Variants in PDE1A observed in about 807,000 individuals in gnomAD.
PDE1A encodes the protein dual specificity calcium/calmodulin-dependent 3',5'-cyclic nucleotide phosphodiesterase 1A.
In PDE1A, 35 loss-of-function variants were observed where a neutral mutation model predicts 61.7. The ratio of observed to expected loss-of-function variants is 0.57; its 90% CI spans 0.43 to 0.75. The LOEUF is 0.75. Among genes scored for constraint, PDE1A ranks in the 30% least tolerant of loss-of-function variants. The probability of loss-of-function intolerance (pLI) is 0.00; values close to 1 mark genes in which losing one functional copy is unlikely to be tolerated. For missense variants in PDE1A, 597 were observed against 630.6 expected, an observed-to-expected ratio of 0.95 and a Z score of 0.57; for synonymous variants, 232 against 213.2, an observed-to-expected ratio of 1.09 and a Z score of -0.77.
At chr2:182,180,632 G>A (rs1684681140) in intron 13 of PDE1A, among the ~76,000 whole-genome samples, 1 of 152,050 alleles carries the variant, frequency 6.6e-6, no homozygotes, top group South Asian at 2.1e-4. Context: ...ATGTTGGCCT[G>A]TCTTGCTAGG....
chr2:182,290,382 C>T lies in PDE1A; in HGVS notation c.54-25968G>A, dbSNP rs190068630. ...AATCTTTTGGTGGAAAGACTGAAAG[C>T]CTTCAGGTGTTTACTAATTTCTCTC... On this transcript the variant is annotated intron_variant, in intron 1 of 13. Transcript: ENST00000351439. Among the ~76,000 whole-genome samples, 321 of 152,122 alleles carry T rather than the reference C, an allele frequency of 2.1e-3. 7 individuals carry two copies. The highest frequency in any genetic ancestry group is 1.2e-3 in the East Asian group (6 of 5,182).
chr2:182,247,510 C>T lies in PDE1A; in HGVS notation c.168-7218G>A, dbSNP rs1488587108. ...AATAAACCTAAAGACATATTTCTCC[C>T]TACTCCCCTCCATTTACCTCTTCTT... On this transcript the variant is annotated intron_variant, in intron 2 of 13. Transcript: ENST00000351439. Among the ~76,000 whole-genome samples the T allele has an allele frequency of 2.0e-5, 3 of 152,122 alleles. No individual in the cohort carries two copies. The South Asian group carries it at 6.2e-4, about 32-fold the overall frequency.
intron 1 of PDE1A, among the ~76,000 whole-genome samples, chr2:182,393,863 C>T (rs1701555582): frequency 6.6e-6 from 1 of 152,204 alleles, no homozygotes; most frequent in South Asian, 2.1e-4. Flanking sequence ...TCTGAGACCA[C>T]CTCAGCCTGG....
the PDE1A span, among the ~76,000 whole-genome samples, chr2:182,623,573 C>T: frequency 7.9e-5 from 12 of 152,236 alleles, no homozygotes; most frequent in East Asian, 2.1e-3. Context: ...TGAGGGGGCA[C>T]AGAGACCCCT....
chr2:182,606,370 G>A, the PDE1A span, among the ~76,000 whole-genome samples: 8 of 152,178 alleles, frequency 5.3e-5, no homozygotes, highest in Non-Finnish European at 1.5e-5. Flanking sequence ...AGTAGAGACG[G>A]GGTTTCACCA....
intron 4 of PDE1A, among the ~76,000 whole-genome samples, chr2:182,232,514 C>T (rs1689663832): frequency 6.6e-6 from 1 of 152,126 alleles, no homozygotes; most frequent in Non-Finnish European, 1.5e-5. Context: ...TTTAAAAATA[C>T]TTCCTTCAAA....
chr2:182,653,873 C>T, the PDE1A span, among the ~76,000 whole-genome samples: 1 of 152,156 alleles, frequency 6.6e-6, no homozygotes, highest in Non-Finnish European at 1.5e-5. Context: ...CTGACACAAA[C>T]GTGCCTTACT....
chr2:182,393,563 A>G (rs897003510), intron 1 of PDE1A, among the ~76,000 whole-genome samples: 1 of 152,116 alleles, frequency 6.6e-6, no homozygotes, highest in Non-Finnish European at 1.5e-5. Flanking sequence ...TTTCTTTCCT[A>G]TTGCATCAGA....
chr2:182,646,391 CAAAA>C, the PDE1A span, among the ~76,000 whole-genome samples: 1 of 107,284 alleles, frequency 9.3e-6, no homozygotes, highest in African/African-American at 3.7e-5. Flanking sequence ...GGTGAAGGTT[CAAAA>C]AAAAAAAAAA....
chr2:182,544,625 C>G, the PDE1A span, among the ~76,000 whole-genome samples: 503 of 152,084 alleles, frequency 3.3e-3, 3 homozygotes, highest in Non-Finnish European at 5.7e-3. Context: ...TTTCCACTCA[C>G]CTTCCCAATC....
the PDE1A span, among the ~76,000 whole-genome samples, chr2:182,712,121 A>G: frequency 6.6e-6 from 1 of 152,256 alleles, no homozygotes; most frequent in African/African-American, 2.4e-5. Flanking sequence ...TCTAATCGTG[A>G]GGAAACATCA....
the PDE1A span, among the ~76,000 whole-genome samples, chr2:182,627,013 A>AT: frequency 0.016 from 62 of 3,766 alleles, 15 homozygotes; most frequent in African/African-American, 0.068. Flanking sequence ...ATATATTTAT[A>AT]TTTATATATA....
chr2:182,582,405 C>A, the PDE1A span, among the ~76,000 whole-genome samples: 1 of 152,096 alleles, frequency 6.6e-6, no homozygotes, highest in Non-Finnish European at 1.5e-5. Context: ...TTCCAAGGAA[C>A]CCAGGCCTAA....
At chr2:182,171,368 G>A (rs901631363) in intron 13 of PDE1A, among the ~76,000 whole-genome samples, 1 of 151,936 alleles carries the variant, frequency 6.6e-6, no homozygotes, top group African/African-American at 2.4e-5. Context: ...CGTGATTTTT[G>A]TTTGAAGAAC....
chr2:182,361,841 C>T (rs1331529568), intron 1 of PDE1A, among the ~76,000 whole-genome samples: 2 of 151,876 alleles, frequency 1.3e-5, no homozygotes, highest in Non-Finnish European at 2.9e-5. Context: ...CATAAGGGAA[C>T]CAAAATTCCC....
chr2:182,598,088 A>G, the PDE1A span, among the ~76,000 whole-genome samples: 1 of 152,242 alleles, frequency 6.6e-6, no homozygotes, highest in Non-Finnish European at 1.5e-5. Flanking sequence ...GGCTCCCTAA[A>G]GACCATTAAG....
chr2:182,224,948 C>T (rs1048206319), intron 6 of PDE1A, among the ~76,000 whole-genome samples: 2 of 151,862 alleles, frequency 1.3e-5, no homozygotes, highest in Admixed American at 6.6e-5. Context: ...AATGCTATGA[C>T]ACTCACTCTG....
In PDE1A at chr2:182,348,649, T is replaced by C. The variant is rs1021212155; in HGVS notation, c.53+77929A>G. Among the ~76,000 whole-genome samples, 162 of 152,164 alleles carry C rather than the reference T, an allele frequency of 1.1e-3. 1 individual carries two copies. The highest frequency in any genetic ancestry group is 3.9e-3 in the African/African-American group (161 of 41,520). On this transcript the variant is annotated intron_variant, in intron 1 of 13. Coordinates refer to ENST00000351439, the Ensembl canonical transcript of PDE1A. ...TGATTATTTGGACTCTATGCTATCC[T>C]GTCCATTTCATTTCATTCCATTTCT...
At chr2:182,212,105 CT>C (rs1687658119) in intron 7 of PDE1A, among the ~76,000 whole-genome samples, 2 of 151,954 alleles carry the variant, frequency 1.3e-5, no homozygotes, top group Admixed American at 1.3e-4. Flanking sequence ...AAAGCTTCAA[CT>C]TTTTCACCAT....
Sources: allele counts gnomAD v4.1 joint callset (sites outside exome capture counted in the v4.1 genomes callset), GRCh38; gene constraint gnomAD v4.1.1; transcripts MANE v1.5; gene names NCBI Gene and HGNC (gene_info 2026-07-23, HGNC 2026-07-21).